The following HIP1 variants were observed in gnomAD, a reference collection of about 807,000 sequenced individuals.
The protein encoded by HIP1 is huntingtin interacting protein 1, also known as huntingtin-interacting protein 1.
HIP1 carries 65 observed loss-of-function variants against 147.6 expected under a neutral mutation model. The observed-to-expected ratio is 0.44, with a 90% CI of 0.36 to 0.54. The LOEUF (loss-of-function observed/expected upper bound fraction) is 0.54, where lower values mean the gene tolerates loss of function less well. Ranked by LOEUF, HIP1 falls within the 20% of genes least tolerant of loss-of-function variation. The pLI is 0.00. For missense variants in HIP1, 1,061 were observed against 1,299.6 expected, an observed-to-expected ratio of 0.82 and a Z score of 2.82; for synonymous variants, 479 against 504.0, an observed-to-expected ratio of 0.95 and a Z score of 0.67.
chr7:75,663,554 T>A (rs1255744208), intron 1 of HIP1, among the ~76,000 whole-genome samples: 1 of 151,768 alleles, frequency 6.6e-6, no homozygotes, highest in African/African-American at 2.4e-5. Flanking sequence ...CAGGAGCAGA[T>A]CTGAGTTTTT....
In HIP1 at chr7:75,664,124, A is replaced by G. The variant is rs563409381; in HGVS notation, c.121-64877T>C. ...CATACATACATGTATGCATATATGC[A>G]CACACATGTGTGTACATACATACAT... is the stretch of plus-strand genomic sequence containing the variant. On this transcript the variant is annotated intron_variant, in intron 1 of 30. Transcript: ENST00000336926. Among the ~76,000 whole-genome samples, 49 of 136,242 alleles carry G rather than the reference A, an allele frequency of 3.6e-4. 3 individuals carry two copies. Among genetic ancestry groups the G allele is most frequent in the Non-Finnish European group, 6.9e-4 (43 of 62,194 alleles). The allele number at this position is 136,242 out of a possible 152,430, so 89.4% of individuals were successfully genotyped here. A position where few individuals can be genotyped will look rare whatever the true frequency, so the allele number is the denominator to read the frequency against.
chr7:75,557,858 T>C (rs2116824032), intron 15 of HIP1, 88 bp from the exon 16 acceptor site: 1 of 981,864 alleles, frequency 1.0e-6, no homozygotes, highest in African/African-American at 1.6e-5. Context: ...AGGCTGTGCG[T>C]GCCCTAGAGT....
chr7:75,658,931 A>G (rs1554513180), intron 1 of HIP1, among the ~76,000 whole-genome samples: 1 of 152,108 alleles, frequency 6.6e-6, no homozygotes, highest in Non-Finnish European at 1.5e-5. Context: ...ACAAACAAAC[A>G]AAGAAAAAAC....
chr7:75,689,703 C>T (rs1479131399), intron 1 of HIP1, among the ~76,000 whole-genome samples: 1 of 152,084 alleles, frequency 6.6e-6, no homozygotes, highest in Non-Finnish European at 1.5e-5. Flanking sequence ...AAAGAAACCA[C>T]AAGAACAAAT....
chr7:75,684,365 T>C (rs1028260902), intron 1 of HIP1, among the ~76,000 whole-genome samples: 2 of 149,910 alleles, frequency 1.3e-5, no homozygotes, highest in Non-Finnish European at 3.0e-5. Context: ...GGAGACTAGT[T>C]TGAACCCGGG....
At chr7:75,563,954 G>A (rs1795319540) in intron 9 of HIP1, among the ~76,000 whole-genome samples, 1 of 152,164 alleles carries the variant, frequency 6.6e-6, no homozygotes, top group South Asian at 2.1e-4. Context: ...GTGCAGTGGT[G>A]CAATCAGAGC....
intron 1 of HIP1, among the ~76,000 whole-genome samples, chr7:75,623,520 G>A (rs587604827): frequency 6.6e-6 from 1 of 152,298 alleles, no homozygotes; most frequent in African/African-American, 2.4e-5. Flanking sequence ...GCAGACATGT[G>A]GGTGAGGGCA....
At position 75,568,330 on chromosome 7, in the gene HIP1, G is replaced by A; in HGVS notation, c.746-74C>T. ...GGGAAGCCACAGCGGGGCTCTCGAGGGGGAGGGGCCCAGCTACCCTGGGGC... is the reference window on the plus strand; with the variant it reads ...GGGAAGCCACAGCGGGGCTCTCGAGAGGGAGGGGCCCAGCTACCCTGGGGC... On this transcript the variant is annotated intron_variant, in intron 8 of 30. Coordinates refer to ENST00000336926, the MANE Select transcript of HIP1 (RefSeq NM_005338.7). This position sits in a 1 kb window ranked among gnomAD's most constrained non-coding sequence, Gnocchi z 4.1. 1.0e-6 allele frequency: 1 copy of A among 966,462 alleles called. No homozygotes were observed. The highest frequency in any genetic ancestry group is 1.7e-5 in the Admixed American group (1 of 58,772). 59.9% of individuals were successfully genotyped at this position (966,462 alleles called of 1,614,324 possible). A position where few individuals can be genotyped will look rare whatever the true frequency, so the allele number is the denominator to read the frequency against.
chr7:75,673,564 G>A (rs189670729), intron 1 of HIP1, among the ~76,000 whole-genome samples: 79 of 152,012 alleles, frequency 5.2e-4, no homozygotes, highest in African/African-American at 1.8e-3. Flanking sequence ...ACAATATTTC[G>A]TAGTTCCAGT....
intron 1 of HIP1, among the ~76,000 whole-genome samples, chr7:75,639,531 C>T (rs1055429916): frequency 6.7e-6 from 1 of 148,730 alleles, no homozygotes; most frequent in African/African-American, 2.5e-5. Context: ...TCGCCGATCC[C>T]GGAGCGAGAG....
chr7:75,703,542 C>T (rs1296269505), intron 1 of HIP1, among the ~76,000 whole-genome samples: 1 of 151,780 alleles, frequency 6.6e-6, no homozygotes, highest in Non-Finnish European at 1.5e-5. Flanking sequence ...ACTCAGGAGG[C>T]TGAGGCAAGA....
intron 1 of HIP1, among the ~76,000 whole-genome samples, chr7:75,686,843 C>CTT (rs55942242): frequency 0.016 from 1,311 of 79,458 alleles, 3 homozygotes; most frequent in African/African-American, 0.026. Context: ...TATTTTAGTT[C>CTT]TTTTTTTTTT....
chr7:75,664,384 A>G (rs111211696), intron 1 of HIP1, among the ~76,000 whole-genome samples: 167 of 32,500 alleles, frequency 5.1e-3, no homozygotes, highest in Middle Eastern at 0.029. Flanking sequence ...ACATATGTGT[A>G]TGTATACGTA....
At chr7:75,548,708 C>T (rs1405633942) in intron 23 of HIP1, among the ~76,000 whole-genome samples, 183 bp downstream of exon 23, 1 of 152,088 alleles carries the variant, frequency 6.6e-6, no homozygotes, top group Non-Finnish European at 1.5e-5. Flanking sequence ...AACTCCTGGA[C>T]TCAAGTGATC....
At chr7:75,541,782 C>T (rs926532488) in intron 29 of HIP1, 137 bp downstream of exon 29, 11 of 613,356 alleles carry the variant, frequency 1.8e-5, no homozygotes, top group South Asian at 1.0e-4. Flanking sequence ...CTGTTTCTTC[C>T]GGCAAGATTT....
chr7:75,669,222 A>G (rs1193279520), intron 1 of HIP1, among the ~76,000 whole-genome samples: 2 of 151,784 alleles, frequency 1.3e-5, no homozygotes, highest in Non-Finnish European at 2.9e-5. Flanking sequence ...AAATACAAAA[A>G]ATTAGGCTGG....
At chr7:75,588,938 G>A (rs1796378894) in intron 4 of HIP1, among the ~76,000 whole-genome samples, 1 of 152,066 alleles carries the variant, frequency 6.6e-6, no homozygotes, top group Admixed American at 6.6e-5. Context: ...ATCACCTGAG[G>A]TTAGGAGTTC....
intron 4 of HIP1, among the ~76,000 whole-genome samples, chr7:75,590,036 A>G (rs1191359089): frequency 6.6e-6 from 1 of 152,044 alleles, no homozygotes; most frequent in African/African-American, 2.4e-5. Context: ...CCTGGCCAAA[A>G]ACGACATTCT....
At chr7:75,570,083 G>A (rs587632701) in intron 8 of HIP1, among the ~76,000 whole-genome samples, 43 of 151,818 alleles carry the variant, frequency 2.8e-4, no homozygotes, top group Non-Finnish European at 5.4e-4. Flanking sequence ...ACAGGCGCGC[G>A]CCACCACACC....
Sources: allele counts gnomAD v4.1 joint callset (sites outside exome capture counted in the v4.1 genomes callset), GRCh38; gene constraint gnomAD v4.1.1; non-coding constraint Gnocchi (gnomAD v3.1); transcripts MANE v1.5; gene names NCBI Gene and HGNC (gene_info 2026-07-23, HGNC 2026-07-21).